Variants in UBE2E1 observed in about 807,000 individuals in gnomAD.
UBE2E1 encodes the protein ubiquitin-conjugating enzyme E2 E1.
A neutral mutation model predicts 21.4 loss-of-function variants in UBE2E1; 6 were observed. The ratio of observed to expected loss-of-function variants is 0.28; its 90% CI spans 0.15 to 0.55. The LOEUF (loss-of-function observed/expected upper bound fraction) is 0.55, where lower values mean the gene tolerates loss of function less well. Ranked by LOEUF, UBE2E1 falls within the 20% of genes least tolerant of loss-of-function variation. UBE2E1 has a pLI of 0.93. For synonymous variants in UBE2E1, 87 were observed against 82.7 expected, an observed-to-expected ratio of 1.05 and a Z score of -0.28; for missense variants, 142 against 236.5, an observed-to-expected ratio of 0.60 and a Z score of 2.62.
chr3:23,848,480 A>G (rs1467069766), intron 3 of UBE2E1, among the ~76,000 whole-genome samples: 2 of 152,114 alleles, frequency 1.3e-5, no homozygotes, highest in Non-Finnish European at 2.9e-5. Context: ...AAAAAAAAAA[A>G]AACAAAAAAC....
intron 3 of UBE2E1, among the ~76,000 whole-genome samples, chr3:23,847,428 C>T (rs1364483918): frequency 6.6e-6 from 1 of 151,588 alleles, no homozygotes; most frequent in East Asian, 1.9e-4. Context: ...GTAGAAATAC[C>T]CTGTGGTATT....
intron 5 of UBE2E1, chr3:23,889,700 T>G (rs898269271): frequency 1.3e-5 from 13 of 985,290 alleles, no homozygotes; most frequent in Non-Finnish European, 1.6e-5. Context: ...TGGTAGTTGT[T>G]AAATACTTAG....
In UBE2E1 at chr3:23,807,427, G is replaced by A; in HGVS notation, c.152+6G>A. On this transcript the variant is annotated splice_donor_region_variant and intron_variant, in intron 2 of 5. Coordinates refer to ENST00000306627, the MANE Select transcript of UBE2E1 (RefSeq NM_003341.5). ...CTCTCCACCAGCGCCAAGAGGTACTGTGCTCTTTTTTTTTTCCACAGGCTT... is the reference window on the plus strand; with the variant it reads ...CTCTCCACCAGCGCCAAGAGGTACTATGCTCTTTTTTTTTTCCACAGGCTT... The A allele has an allele frequency of 1.3e-6, 2 of 1,595,254 alleles. No homozygotes were observed. Among genetic ancestry groups the A allele is most frequent in the African/African-American group, 1.4e-5 (1 of 73,230 alleles).
At chr3:23,860,990 A>G (rs1032169473) in intron 3 of UBE2E1, among the ~76,000 whole-genome samples, 1 of 152,222 alleles carries the variant, frequency 6.6e-6, no homozygotes, top group African/African-American at 2.4e-5. Flanking sequence ...TGATGACTGC[A>G]CCAAATGCTA....
At chr3:23,868,940 C>G (rs1335756248) in intron 3 of UBE2E1, among the ~76,000 whole-genome samples, 1 of 152,170 alleles carries the variant, frequency 6.6e-6, no homozygotes, top group African/African-American at 2.4e-5. Context: ...GTACAGTATA[C>G]TGTCATATGG....
In UBE2E1 at chr3:23,890,960, G is replaced by A. The variant is rs536829577; in HGVS notation, c.*354G>A. 6.1e-6 allele frequency: 1 copy of A among 163,012 alleles called. No individual in the cohort carries two copies. Among genetic ancestry groups the A allele is most frequent in the Non-Finnish European group, 1.3e-5 (1 of 75,098 alleles). 10.1% of individuals were successfully genotyped at this position (163,012 alleles called of 1,614,324 possible). ...GGCCATTTATGTAAAGTCCCTCTAA[G>A]ACTACATACTTTTTGTTTAAAACAA... On this transcript the variant is annotated 3_prime_UTR_variant, in exon 6 of 6. Transcript: ENST00000306627.
intron 3 of UBE2E1, among the ~76,000 whole-genome samples, chr3:23,812,768 G>T (rs1466086259): frequency 6.6e-6 from 1 of 152,134 alleles, no homozygotes; most frequent in African/African-American, 2.4e-5. Context: ...GATGGTGGTG[G>T]TTCACGTGGA....
chr3:23,890,654 C>G lies in UBE2E1; in HGVS notation c.*48C>G, dbSNP rs1186516096. The G allele has an allele frequency of 1.3e-6, 2 of 1,543,200 alleles. No homozygotes were observed. The highest frequency in any genetic ancestry group is 1.8e-6 in the Non-Finnish European group (2 of 1,125,252). ...ATTATTTGTCTGTCACAGAAGAGAG[C>G]TGCTTATGATTTTGAAGGGGTCAGG... On this transcript the variant is annotated 3_prime_UTR_variant, in exon 6 of 6. Coordinates refer to ENST00000306627, the MANE Select transcript of UBE2E1 (RefSeq NM_003341.5).
At chr3:23,877,526 C>G (rs1559492977) in intron 3 of UBE2E1, among the ~76,000 whole-genome samples, 1 of 152,102 alleles carries the variant, frequency 6.6e-6, no homozygotes, top group South Asian at 2.1e-4. Flanking sequence ...CCACCAGATG[C>G]CATTAGCACC....
chr3:23,875,516 C>T (rs553188392), intron 3 of UBE2E1, among the ~76,000 whole-genome samples: 1 of 152,300 alleles, frequency 6.6e-6, no homozygotes, highest in African/African-American at 2.4e-5. Flanking sequence ...ACAAATCATC[C>T]TTGTGCGTCA....
intron 3 of UBE2E1, among the ~76,000 whole-genome samples, chr3:23,856,958 A>G (rs147357758): frequency 6.6e-6 from 1 of 150,952 alleles, no homozygotes; most frequent in East Asian, 1.9e-4. Flanking sequence ...CGCTGTGATC[A>G]CAACACTGCA....
At position 23,811,490 on chromosome 3, in the gene UBE2E1, A is replaced by G; in HGVS notation, c.183A>G (p.Leu61=). 6.2e-7 allele frequency: 1 copy of G among 1,614,218 alleles called. No homozygotes were observed. Among genetic ancestry groups the G allele is most frequent in the Non-Finnish European group, 8.5e-7 (1 of 1,180,032 alleles). ...RIQKELADIT[L]DPPPNCSAGP... is the part of the protein sequence containing the mutation. ...AGAAGGAGCTGGCGGACATCACTTT[A>G]GACCCTCCACCTAATTGCAGGTGAG... Residue 61 remains leucine (L), a synonymous_variant, in exon 3 of 6, where the codon TTA becomes TTG. Transcript: ENST00000306627.
At chr3:23,824,164 G>A (rs12633465) in intron 3 of UBE2E1, among the ~76,000 whole-genome samples, 6,927 of 152,226 alleles carry the variant, frequency 0.046, 198 homozygotes, top group East Asian at 0.11. Flanking sequence ...TGTATTGGGA[G>A]GAAATTCTAT....
rs117927025 is a variant in UBE2E1, at chr3:23,811,366, G to T, written c.153-94G>T. Reference sequence around the variant, plus strand: ...TTGCCCAGTAGAATCCAGTGATCGCGCTTAGGTTTATCTGCAGACCTGCAC... The same window carrying T: ...TTGCCCAGTAGAATCCAGTGATCGCTCTTAGGTTTATCTGCAGACCTGCAC... On this transcript the variant is annotated intron_variant, in intron 2 of 5. Transcript: ENST00000306627. 1,011 of 1,174,406 alleles carry T rather than the reference G, an allele frequency of 8.6e-4. 16 individuals carry two copies. In the East Asian group the frequency reaches 0.019, roughly 22 times the overall value. 72.7% of individuals were successfully genotyped at this position (1,174,406 alleles called of 1,614,324 possible).
rs1017068116 is a variant in UBE2E1 at position 23,808,140 on chromosome 3, TAAGTG to T, written c.152+720_152+724del. On this transcript the variant is annotated intron_variant, in intron 2 of 5. Coordinates refer to ENST00000306627, the MANE Select transcript of UBE2E1 (RefSeq NM_003341.5). The surrounding 1 kb of genome is among the most constrained non-coding windows in gnomAD (Gnocchi z 4.9). ...GTTACTTTGCCTTATTTTTTCAATT[TAAGTG>T]GTCTCCCTTTTACTTTATTCTTTTC... Among the ~76,000 whole-genome samples, 1 of 152,236 alleles carries T rather than the reference TAAGTG, an allele frequency of 6.6e-6. No individual in the cohort carries two copies. The highest frequency in any genetic ancestry group is 6.5e-5 in the Admixed American group (1 of 15,292).
intron 3 of UBE2E1, among the ~76,000 whole-genome samples, chr3:23,849,450 AT>A (rs1257794122): frequency 6.6e-6 from 1 of 152,180 alleles, no homozygotes; most frequent in Non-Finnish European, 1.5e-5. Flanking sequence ...TCAACCTGTC[AT>A]CTAGGTTTTA....
At chr3:23,873,503 T>C (rs370044833) in intron 3 of UBE2E1, among the ~76,000 whole-genome samples, 52 of 152,156 alleles carry the variant, frequency 3.4e-4, no homozygotes, top group African/African-American at 1.2e-3. Context: ...TCCCAGCACT[T>C]TGGGGAGGCT....
At chr3:23,854,493 G>A (rs1045260727) in intron 3 of UBE2E1, among the ~76,000 whole-genome samples, 6 of 152,094 alleles carry the variant, frequency 3.9e-5, no homozygotes, top group African/African-American at 9.7e-5. Flanking sequence ...CTGTCCCTTC[G>A]GGTCCATCCT....
At position 23,823,445 on chromosome 3, in the gene UBE2E1, A is replaced by C. The variant is rs537925115; in HGVS notation, c.203+11935A>C. Among the ~76,000 whole-genome samples, 1 of 152,360 alleles carries C rather than the reference A, an allele frequency of 6.6e-6. No homozygotes were observed. Among genetic ancestry groups the C allele is most frequent in the South Asian group, 2.1e-4 (1 of 4,828 alleles). ...GCAACAAATAATATGTGGAACCACA[A>C]CTGTTTTGGCTACGTAGGAATTTTG... On this transcript the variant is annotated intron_variant, in intron 3 of 5. Transcript: ENST00000306627. The surrounding 1 kb of genome is among the most constrained non-coding windows in gnomAD (Gnocchi z 4.2).
Sources: allele counts gnomAD v4.1 joint callset (sites outside exome capture counted in the v4.1 genomes callset), GRCh38; gene constraint gnomAD v4.1.1; non-coding constraint Gnocchi (gnomAD v3.1); transcripts MANE v1.5; gene names NCBI Gene and HGNC (gene_info 2026-07-23, HGNC 2026-07-21).